The following RASEF variants were observed in gnomAD, a reference collection of about 807,000 sequenced individuals.
RASEF encodes the protein RAS and EF-hand domain containing, also known as ras and EF-hand domain-containing protein.
Under a neutral mutation model 90.1 loss-of-function variants are expected in RASEF, and 68 were observed. The observed-to-expected ratio is 0.75, with a 90% CI of 0.62 to 0.92. The LOEUF is 0.92. RASEF is among the 40% of genes least tolerant of loss of function. The pLI is 0.00. For synonymous variants in RASEF, 331 were observed against 345.2 expected, an observed-to-expected ratio of 0.96 and a Z score of 0.46; for missense variants, 949 against 937.2, an observed-to-expected ratio of 1.01 and a Z score of -0.16.
chr9:83,002,269 A>C (rs1320702086), intron 9 of RASEF, among the ~76,000 whole-genome samples: 1 of 152,200 alleles, frequency 6.6e-6, no homozygotes, highest in African/African-American at 2.4e-5. Context: ...AGTGTGAGCC[A>C]TGTAAATCTG....
chr9:83,137,972 C>T, the RASEF span, among the ~76,000 whole-genome samples: 1 of 151,828 alleles, frequency 6.6e-6, no homozygotes, highest in Non-Finnish European at 1.5e-5. Context: ...ACTTTACCCT[C>T]AGAAGGAGCT....
At chr9:83,035,830 C>T (rs1043742664) in intron 1 of RASEF, among the ~76,000 whole-genome samples, 2 of 152,092 alleles carry the variant, frequency 1.3e-5, no homozygotes, top group Admixed American at 1.3e-4. Context: ...TGTCACCTTC[C>T]CAGATTTAGG....
intron 16 of RASEF, among the ~76,000 whole-genome samples, 196 bp from the exon 17 acceptor site, chr9:82,982,978 G>A (rs73467526): frequency 0.01 from 1,532 of 152,192 alleles, 22 homozygotes; most frequent in African/African-American, 0.035. Flanking sequence ...TAAATTTGCT[G>A]TGCCCCATTT....
intron 1 of RASEF, among the ~76,000 whole-genome samples, chr9:83,046,457 A>T (rs1330717420): frequency 6.6e-6 from 1 of 152,176 alleles, no homozygotes; most frequent in Non-Finnish European, 1.5e-5. Flanking sequence ...GTGTTCAAGC[A>T]GAAATGCCTA....
intron 15 of RASEF, among the ~76,000 whole-genome samples, chr9:82,992,068 T>A (rs1312031449): frequency 6.6e-6 from 1 of 152,218 alleles, no homozygotes; most frequent in Non-Finnish European, 1.5e-5. Flanking sequence ...TGGTTTGCAG[T>A]TCTAAATTTT....
the RASEF span, among the ~76,000 whole-genome samples, chr9:83,152,686 G>A: frequency 6.6e-6 from 1 of 152,072 alleles, no homozygotes; most frequent in Admixed American, 6.6e-5. Flanking sequence ...GATCAATGAA[G>A]GCTACTTGAT....
At chr9:83,079,646 A>G in the RASEF span, among the ~76,000 whole-genome samples, 18 of 152,292 alleles carry the variant, frequency 1.2e-4, no homozygotes, top group African/African-American at 4.3e-4. Context: ...TAGCTAAACT[A>G]TGTTAACAGC....
chr9:83,014,412 C>T (rs911092758), intron 4 of RASEF, among the ~76,000 whole-genome samples: 1 of 152,000 alleles, frequency 6.6e-6, no homozygotes, highest in Non-Finnish European at 1.5e-5. Flanking sequence ...GTGATCCTTC[C>T]ACCCCAGCCT....
At chr9:83,027,305 T>A (rs1421174149) in intron 1 of RASEF, among the ~76,000 whole-genome samples, 2 of 152,172 alleles carry the variant, frequency 1.3e-5, no homozygotes, top group Non-Finnish European at 2.9e-5. Context: ...ATTACCTCAA[T>A]CTTCAGCTTC....
the RASEF span, among the ~76,000 whole-genome samples, chr9:83,176,148 G>T: frequency 1.6e-3 from 248 of 152,242 alleles, 2 homozygotes; most frequent in Non-Finnish European, 7.5e-4. Flanking sequence ...TCTCACTTCA[G>T]ATCTGCTGGA....
chr9:83,080,276 C>A, the RASEF span, among the ~76,000 whole-genome samples: 1 of 152,162 alleles, frequency 6.6e-6, no homozygotes, highest in Non-Finnish European at 1.5e-5. Flanking sequence ...TTCCACTTCC[C>A]AGACCTGTTA....
At chr9:83,070,412 G>T in the RASEF span, among the ~76,000 whole-genome samples, 1 of 151,958 alleles carries the variant, frequency 6.6e-6, no homozygotes, top group African/African-American at 2.4e-5. Context: ...ACCTTTGTTA[G>T]AAATCAAATG....
chr9:83,186,511 C>A, the RASEF span, among the ~76,000 whole-genome samples: 2 of 152,158 alleles, frequency 1.3e-5, no homozygotes, highest in African/African-American at 4.8e-5. Context: ...CAGCCTCCTC[C>A]TGCACGCTGT....
At chr9:83,085,517 C>A in the RASEF span, among the ~76,000 whole-genome samples, 1 of 152,190 alleles carries the variant, frequency 6.6e-6, no homozygotes, top group South Asian at 2.1e-4. Context: ...CACTGGTAGT[C>A]CCAGCTGCTT....
chr9:83,020,228 G>C (rs941571378), intron 3 of RASEF, among the ~76,000 whole-genome samples: 3 of 152,142 alleles, frequency 2.0e-5, no homozygotes, highest in African/African-American at 7.2e-5. Flanking sequence ...AGAAAGTGAG[G>C]GTTCCTCTGA....
chr9:83,180,368 T>C, the RASEF span, among the ~76,000 whole-genome samples: 6 of 152,270 alleles, frequency 3.9e-5, 1 homozygote, highest in Admixed American at 3.9e-4. Context: ...TAACCAACTA[T>C]TTTAAATTCA....
the RASEF span, among the ~76,000 whole-genome samples, chr9:83,111,432 TG>T: frequency 6.6e-6 from 1 of 152,122 alleles, no homozygotes. Context: ...AAATATAGCA[TG>T]GTACTATAGT....
intron 2 of RASEF, among the ~76,000 whole-genome samples, chr9:83,024,049 T>C (rs1436364356): frequency 6.6e-6 from 1 of 152,150 alleles, no homozygotes; most frequent in East Asian, 1.9e-4. Flanking sequence ...CAGAACAAAA[T>C]GGCCAAAACC....
the RASEF span, among the ~76,000 whole-genome samples, chr9:83,110,820 T>C: frequency 1.3e-5 from 2 of 152,164 alleles, no homozygotes; most frequent in Non-Finnish European, 2.9e-5. Flanking sequence ...ACAGTAATTC[T>C]GGGTTAGTTG....
Sources: allele counts gnomAD v4.1 joint callset (sites outside exome capture counted in the v4.1 genomes callset), GRCh38; gene constraint gnomAD v4.1.1; transcripts MANE v1.5; gene names NCBI Gene and HGNC (gene_info 2026-07-23, HGNC 2026-07-21).